The following VPS13B variants were observed in gnomAD, a reference collection of about 807,000 sequenced individuals.
VPS13B encodes vacuolar protein sorting 13 homolog B.
A neutral mutation model predicts 426.4 loss-of-function variants in VPS13B; 285 were observed. That is an observed-to-expected ratio of 0.67 (90% CI 0.61 to 0.74). The LOEUF is 0.74. Ranked by LOEUF, VPS13B falls within the 30% of genes least tolerant of loss-of-function variation. The pLI, the probability that VPS13B is intolerant of heterozygous loss-of-function variation, is 0.00. For synonymous variants in VPS13B, 1,676 were observed against 1,676.4 expected, an observed-to-expected ratio of 1.00 and a Z score of 0.01; for missense variants, 4,537 against 4,782.6, an observed-to-expected ratio of 0.95 and a Z score of 1.51.
Position 99,041,779 on chromosome 8 carries a change from C to G in VPS13B, c.291+3213C>G, listed in dbSNP as rs182166027. On this transcript the variant is annotated intron_variant, in intron 3 of 61. Coordinates refer to ENST00000357162, the MANE Select transcript of VPS13B (RefSeq NM_152564.5). ...GAGGCAGGAGAATGGCATGAACCCG[C>G]GAGGTGGAGTTTGCAGTGATCCGAG... is the stretch of plus-strand genomic sequence containing the variant. 8.1e-4 allele frequency among the ~76,000 whole-genome samples: 121 copies of G among 149,910 alleles called. 2 individuals carry two copies. The highest frequency in any genetic ancestry group is 2.6e-3 in the African/African-American group (106 of 40,760).
At chr8:99,340,812 G>A (rs1279822193) in intron 19 of VPS13B, 2 of 338,740 alleles carry the variant, frequency 5.9e-6, no homozygotes, top group Non-Finnish European at 6.0e-6. Context: ...GGTGTGGCAC[G>A]CGGACCGCCT....
chr8:99,719,831 TTACTAAA>T (rs1833066172), intron 37 of VPS13B, among the ~76,000 whole-genome samples: 5 of 152,196 alleles, frequency 3.3e-5, no homozygotes, highest in Admixed American at 2.6e-4. Context: ...TGGCACAGTC[TTACTAAA>T]CACAGAAGTT....
intron 23 of VPS13B, among the ~76,000 whole-genome samples, chr8:99,456,607 T>C (rs1818475105): frequency 6.6e-6 from 1 of 152,226 alleles, no homozygotes; most frequent in Non-Finnish European, 1.5e-5. Context: ...AATTCTTATG[T>C]ATAATTAATA....
intron 35 of VPS13B, 84 bp from the exon 36 acceptor site, chr8:99,699,441 T>A: frequency 6.7e-6 from 10 of 1,482,816 alleles, no homozygotes; most frequent in Non-Finnish European, 9.2e-6. Context: ...TGGGACACTT[T>A]TATGTAGGAG....
rs757901988 is a variant in VPS13B at position 99,121,469 on chromosome 8, A to T, written c.1206+24A>T. The T allele has an allele frequency of 1.7e-5, 27 of 1,611,102 alleles. No homozygotes were observed. Among genetic ancestry groups the T allele is most frequent in the Non-Finnish European group, 2.3e-5 (27 of 1,179,178 alleles). On this transcript the variant is annotated intron_variant, in intron 8 of 61. Transcript: ENST00000357162. ...AAGTAGGTCTTTTCTCTTGCTGTTT[A>T]TATCTCTATCAACTTTAATGCTTAA...
At chr8:99,362,139 CTTTTTTTTTT>C (rs71273181) in intron 19 of VPS13B, among the ~76,000 whole-genome samples, 1 of 119,756 alleles carries the variant, frequency 8.4e-6, no homozygotes, top group Non-Finnish European at 1.8e-5. Flanking sequence ...TTTAATTTGT[CTTTTTTTTTT>C]TTTTTTTTTT....
At chr8:99,021,950 G>A (rs1023966268) in intron 2 of VPS13B, among the ~76,000 whole-genome samples, 1 of 152,070 alleles carries the variant, frequency 6.6e-6, no homozygotes, top group African/African-American at 2.4e-5. Context: ...TTACAAAAAT[G>A]TATCTATAGG....
At chr8:99,717,747 T>C (rs1052109847) in intron 37 of VPS13B, among the ~76,000 whole-genome samples, 1 of 152,210 alleles carries the variant, frequency 6.6e-6, no homozygotes, top group Non-Finnish European at 1.5e-5. Context: ...GATTTACCTA[T>C]TCTTAACATT....
intron 28 of VPS13B, chr8:99,507,719 TTTA>T: frequency 1.2e-6 from 2 of 1,613,228 alleles, no homozygotes; most frequent in Non-Finnish European, 1.7e-6. Flanking sequence ...GCTTATGGCT[TTTA>T]TTGCTTTTTG....
chr8:99,683,045 T>C (rs1021766311), intron 35 of VPS13B, among the ~76,000 whole-genome samples: 1 of 152,244 alleles, frequency 6.6e-6, no homozygotes, highest in African/African-American at 2.4e-5. Context: ...AGTTAATTTT[T>C]ATATACAGTA....
Position 99,853,643 on chromosome 8 carries a change from C to G in VPS13B, c.10254C>G (p.Tyr3418Ter). 5.0e-6 allele frequency: 8 copies of G among 1,614,206 alleles called. No individual in the cohort carries two copies. The highest frequency in any genetic ancestry group is 6.8e-6 in the Non-Finnish European group (8 of 1,180,028). ...EEPVAALFELYCVEICCGDLQ... is the reference protein window; with the variant it reads ...EEPVAALFEL ...CTGTGGCTGCGTTGTTTGAACTTTA[C>G]TGTGTGGAGATCTGCTGTGGGGACC... Residue 3418 changes from tyrosine (Y) to a stop codon, truncating the protein, a stop_gained, in exon 56 of 62, where the codon TAC becomes TAG. Transcript: ENST00000357162. LOFTEE classifies it high-confidence loss of function.
rs572083356 is a variant in VPS13B at position 99,305,506 on chromosome 8, C to G, written c.2824+30252C>G. Among the ~76,000 whole-genome samples, 3 of 152,032 alleles carry G rather than the reference C, an allele frequency of 2.0e-5. No homozygotes were observed. In the South Asian group the frequency reaches 6.2e-4, roughly 32 times the overall value. On this transcript the variant is annotated intron_variant, in intron 19 of 61. Transcript: ENST00000357162. ...TTGATATCCACTGGGGCTGCTAGAC[C>G]CAATCCCCCAGATACTGAGGGATTA... is the stretch of plus-strand genomic sequence containing the variant.
intron 56 of VPS13B, among the ~76,000 whole-genome samples, chr8:99,857,855 T>C (rs548028715): frequency 6.6e-6 from 1 of 152,334 alleles, no homozygotes; most frequent in African/African-American, 2.4e-5. Context: ...CCATAGGGCC[T>C]CTCATTTGTA....
At chr8:99,430,302 A>C (rs1197312906) in intron 21 of VPS13B, among the ~76,000 whole-genome samples, 1 of 152,176 alleles carries the variant, frequency 6.6e-6, no homozygotes, top group African/African-American at 2.4e-5. Flanking sequence ...ATATATCACC[A>C]CATTCTCATA....
intron 33 of VPS13B, among the ~76,000 whole-genome samples, chr8:99,631,598 T>A (rs1200048430): frequency 3.9e-5 from 6 of 152,028 alleles, no homozygotes; most frequent in Non-Finnish European, 8.8e-5. Flanking sequence ...ATCTGGAAAA[T>A]CATTTTTTTC....
At chr8:99,704,297 A>C (rs144332847) in intron 36 of VPS13B, among the ~76,000 whole-genome samples, 5 of 152,316 alleles carry the variant, frequency 3.3e-5, no homozygotes, top group African/African-American at 1.2e-4. Flanking sequence ...TAAAATGTAA[A>C]GAACCTAAAG....
intron 3 of VPS13B, among the ~76,000 whole-genome samples, chr8:99,078,872 G>T (rs1845286145): frequency 6.6e-6 from 1 of 152,100 alleles, no homozygotes; most frequent in Non-Finnish European, 1.5e-5. Context: ...GAGCAAGTTG[G>T]TATATAGGCC....
intron 19 of VPS13B, among the ~76,000 whole-genome samples, chr8:99,358,256 C>G (rs1812299105): frequency 6.6e-6 from 1 of 152,150 alleles, no homozygotes. Flanking sequence ...CCATTACATT[C>G]AGAAGATGAG....
At chr8:99,126,679 G>A (rs935372558) in intron 8 of VPS13B, among the ~76,000 whole-genome samples, 2 of 152,170 alleles carry the variant, frequency 1.3e-5, no homozygotes, top group African/African-American at 4.8e-5. Context: ...GGGATAATGG[G>A]TCTTACAGTC....
Sources: gnomAD v4.1 joint callset for allele counts (sites outside exome capture counted in the v4.1 genomes callset) on GRCh38, gnomAD v4.1.1 for gene constraint, MANE v1.5 for transcripts, NCBI Gene and HGNC (gene_info 2026-07-23, HGNC 2026-07-21) for gene names.